The following APOD variants were observed in gnomAD, a reference collection of about 807,000 sequenced individuals.
APOD encodes apolipoprotein D.
Under a neutral mutation model 20.4 loss-of-function variants are expected in APOD, and 22 were observed. The observed-to-expected ratio is 1.08, with a 90% CI of 0.77 to 1.54. APOD has a LOEUF of 1.54. Ranked by LOEUF, APOD falls within the 40% of genes most tolerant of loss-of-function variation. The pLI, the probability that APOD is intolerant of heterozygous loss-of-function variation, is 0.00. For missense variants in APOD, 223 were observed against 229.6 expected (o/e 0.97, Z 0.19); for synonymous variants, 97 against 92.4 (o/e 1.05, Z -0.29).
At chr3:195,574,334 G>A (rs954683572) in intron 2 of APOD, among the ~76,000 whole-genome samples, 1 of 152,178 alleles carries the variant, frequency 6.6e-6, no homozygotes, top group South Asian at 2.1e-4. Context: ...GTTCGCTGTG[G>A]GGAGCTAGGA....
chr3:195,583,469 T>C (rs1369538285), intron 1 of APOD, among the ~76,000 whole-genome samples: 2 of 152,232 alleles, frequency 1.3e-5, no homozygotes, highest in Admixed American at 6.5e-5. Flanking sequence ...GTCAAATGCA[T>C]TTTCTAGTCA....
chr3:195,578,833 A>G (rs1406611028), intron 2 of APOD, among the ~76,000 whole-genome samples: 1 of 152,162 alleles, frequency 6.6e-6, no homozygotes, highest in African/African-American at 2.4e-5. Context: ...TGTAGCAGCT[A>G]CTATGGTTCC....
chr3:195,582,881 C>T (rs1720364764), intron 1 of APOD: 1 of 151,090 alleles, frequency 6.6e-6, no homozygotes, highest in South Asian at 2.1e-4. Context: ...TGTAGTGAGC[C>T]GAGATCGCGC....
chr3:195,577,964 T>A (rs1489507171), intron 2 of APOD, among the ~76,000 whole-genome samples: 1 of 152,104 alleles, frequency 6.6e-6, no homozygotes, highest in Non-Finnish European at 1.5e-5. Context: ...AGTGAAATGT[T>A]CTAAATCGAT....
chr3:195,571,385 G>GA lies in APOD; in HGVS notation c.246-21dup, dbSNP rs764116819. 5.2e-6 allele frequency: 8 copies of GA among 1,547,782 alleles called. No homozygotes were observed. Among genetic ancestry groups the GA allele is most frequent in the Admixed American group, 3.9e-5 (2 of 50,728 alleles). Reference sequence around the variant, plus strand: ...TCAGCTCTGCAGTGAGTTAAAAAAAGAAAAAATACAAAAAACGAAAAGAGA... The same window carrying GA: ...TCAGCTCTGCAGTGAGTTAAAAAAAGAAAAAAATACAAAAAACGAAAAGAGA... On this transcript the variant is annotated intron_variant, in intron 3 of 4. Coordinates refer to ENST00000343267, the MANE Select transcript of APOD (RefSeq NM_001647.4).
intron 3 of APOD, among the ~76,000 whole-genome samples, chr3:195,573,547 G>T (rs1384141826): frequency 6.6e-6 from 1 of 152,246 alleles, no homozygotes; most frequent in African/African-American, 2.4e-5. Context: ...TGTCGAAGCG[G>T]CTTCTCTCCC....
Position 195,568,833 on chromosome 3 carries a change from G to GCA in APOD, c.*66_*67insTG, listed in dbSNP as rs369497400. The GCA allele has an allele frequency of 4.8e-6, 5 of 1,041,148 alleles. No individual in the cohort carries two copies. In the Admixed American group the frequency reaches 5.7e-5, roughly 12 times the overall value. The allele number at this position is 1,041,148 out of a possible 1,614,324, so 64.5% of individuals were successfully genotyped here. ...CGTGGTTGATTGGTTTGTCTTTATG[G>GCA]GGGGGGGGTAGGGGAAAGCGAAGCA... is the stretch of plus-strand genomic sequence containing the variant. On this transcript the variant is annotated 3_prime_UTR_variant, in exon 5 of 5. Coordinates refer to ENST00000343267, the MANE Select transcript of APOD (RefSeq NM_001647.4).
intron 1 of APOD, among the ~76,000 whole-genome samples, chr3:195,581,913 G>A (rs761093543): frequency 1.3e-5 from 2 of 152,190 alleles, no homozygotes; most frequent in Non-Finnish European, 2.9e-5. Flanking sequence ...GGTGGCTCAA[G>A]CCTGTAATCC....
chr3:195,573,882 GT>G lies in APOD; in HGVS notation c.212del (p.Asn71ThrfsTer7), dbSNP rs746139547. 3 of 1,614,110 alleles carry G rather than the reference GT, an allele frequency of 1.9e-6. No individual in the cohort carries two copies. The Admixed American group carries it at 5.0e-5, about 27-fold the overall frequency. On this transcript the variant is annotated frameshift_variant, in exon 3 of 5. Coordinates refer to ENST00000343267, the MANE Select transcript of APOD (RefSeq NM_001647.4). LOFTEE classifies it high-confidence loss of function. ...CIQANYSLME[N>X]GKIKVLNQEL... ...CCTGGTTTAACACTTTGATCTTTCC[GT>G]TTTCCATTAGTGAGTAGTTGGCCTG...
intron 1 of APOD, among the ~76,000 whole-genome samples, chr3:195,581,182 G>A (rs73890887): frequency 0.014 from 2,104 of 152,252 alleles, 54 homozygotes; most frequent in African/African-American, 0.048. Context: ...GAACAGTTAT[G>A]TAAGGAGTGG....
chr3:195,568,981 T>TA lies in APOD; in HGVS notation c.488dup (p.Asn165LysfsTer6). ...TGTTATTAGAAGTCAGGATATTTTT[T>TA]AGAGAGTCCACTGTTTCTGGAGGGA... On this transcript the variant is annotated frameshift_variant, in exon 5 of 5. Coordinates refer to ENST00000343267, the MANE Select transcript of APOD (RefSeq NM_001647.4). LOFTEE classifies it high-confidence loss of function. 1 of 1,614,130 alleles carries TA rather than the reference T, an allele frequency of 6.2e-7. No individual in the cohort carries two copies.
chr3:195,574,415 G>T (rs115520843), intron 2 of APOD, among the ~76,000 whole-genome samples: 6 of 152,122 alleles, frequency 3.9e-5, no homozygotes, highest in African/African-American at 1.4e-4. Flanking sequence ...TTGGAGAGGT[G>T]GTGGGGATTT....
rs2108966767 is a variant in APOD, at chr3:195,568,838, G to GGGGTT, written c.*61_*62insAACCC. ...TTGATTGGTTTGTCTTTATGGGGGG[G>GGGGTT]GGGTAGGGGAAAGCGAAGCAGAAGT... On this transcript the variant is annotated 3_prime_UTR_variant, in exon 5 of 5. Transcript: ENST00000343267. The GGGGTT allele has an allele frequency of 8.9e-7, 1 of 1,118,392 alleles. No homozygotes were observed. Among genetic ancestry groups the GGGGTT allele is most frequent in the Non-Finnish European group, 1.3e-6 (1 of 798,832 alleles). The allele number at this position is 1,118,392 out of a possible 1,614,324, so 69.3% of individuals were successfully genotyped here. A position where few individuals can be genotyped will look rare whatever the true frequency, so the allele number is the denominator to read the frequency against.
chr3:195,579,236 C>A, intron 2 of APOD, 103 bp downstream of exon 2: 1 of 1,523,824 alleles, frequency 6.6e-7, no homozygotes, highest in South Asian at 1.3e-5. Context: ...AATACTTGTC[C>A]CAAGGTGTGC....
At chr3:195,582,723 C>T (rs1413664137) in intron 1 of APOD, 1 of 152,052 alleles carries the variant, frequency 6.6e-6, no homozygotes, top group Non-Finnish European at 1.5e-5. Flanking sequence ...GCTTGGGCAA[C>T]AGAGCAAAAA....
chr3:195,581,497 G>T (rs1176063993), intron 1 of APOD, among the ~76,000 whole-genome samples: 1 of 152,174 alleles, frequency 6.6e-6, no homozygotes, highest in Admixed American at 6.5e-5. Flanking sequence ...CATTCCACAA[G>T]GTCCCCACAC....
chr3:195,578,768 G>A (rs1050065762), intron 2 of APOD, among the ~76,000 whole-genome samples: 1 of 152,178 alleles, frequency 6.6e-6, no homozygotes, highest in South Asian at 2.1e-4. Context: ...TACCAGCTGC[G>A]TGAGCTGGGG....
chr3:195,571,246 C>T, intron 4 of APOD, 31 bp downstream of exon 4: 1 of 1,600,260 alleles, frequency 6.2e-7, no homozygotes, highest in South Asian at 1.1e-5. Flanking sequence ...TTTCCTGTCC[C>T]TGAATCCTCC....
chr3:195,580,687 G>A (rs1435980686), intron 1 of APOD, among the ~76,000 whole-genome samples: 2 of 152,184 alleles, frequency 1.3e-5, no homozygotes, highest in Non-Finnish European at 2.9e-5. Context: ...TTACAGGCCT[G>A]AGCCACCGCA....
Sources: allele counts gnomAD v4.1 joint callset (sites outside exome capture counted in the v4.1 genomes callset), GRCh38; gene constraint gnomAD v4.1.1; transcripts MANE v1.5; gene names NCBI Gene and HGNC (gene_info 2026-07-23, HGNC 2026-07-21).